The following NXPE1 variants were observed in gnomAD, a reference collection of about 807,000 sequenced individuals.
The protein encoded by NXPE1 is neurexophilin and PC-esterase domain family member 1.
A neutral mutation model predicts 33.3 loss-of-function variants in NXPE1; 31 were observed. The observed-to-expected ratio is 0.93, with a 90% CI of 0.70 to 1.26. The LOEUF (loss-of-function observed/expected upper bound fraction) is 1.26, where lower values mean the gene tolerates loss of function less well. NXPE1 is among the 50% of genes most tolerant of loss of function. The pLI is 0.00. For synonymous variants in NXPE1, 229 were observed against 231.4 expected (o/e 0.99, Z 0.09); for missense variants, 661 against 655.6 (o/e 1.01, Z -0.09).
At chr11:114,524,114 A>T (rs1015883616) in intron 7 of NXPE1, among the ~76,000 whole-genome samples, 1 of 152,118 alleles carries the variant, frequency 6.6e-6, no homozygotes, top group Non-Finnish European at 1.5e-5. Context: ...CTCACATTAT[A>T]TCTAAAGTTC....
intron 1 of NXPE1, among the ~76,000 whole-genome samples, chr11:114,556,894 G>T (rs1948661050): frequency 1.4e-5 from 2 of 147,022 alleles, no homozygotes; most frequent in Admixed American, 6.8e-5. Context: ...CTCCCTTTTT[G>T]ACTTTTTTTT....
rs768597956 is a variant in NXPE1, at chr11:114,530,756, G to T, written c.252C>A (p.Ile84=). The change falls in exon 6 of 9, where the codon ATC becomes ATA. Residue 84 remains isoleucine, a synonymous_variant. Transcript: ENST00000534921. ...TCACATGGGTGAAAGGTCTGGGTGG[G>T]ATCTGCTGATCTAGTTTCTCTATGA... 4.9e-5 allele frequency: 79 copies of T among 1,614,208 alleles called. No homozygotes were observed. The Middle Eastern group carries it at 6.6e-4, about 13-fold the overall frequency.
rs754802719 is a variant in NXPE1, at chr11:114,540,885, T to TTTTTTTG, written c.100-9978_100-9977insCAAAAAA. Among the ~76,000 whole-genome samples, 98 of 81,284 alleles carry TTTTTTTG rather than the reference T, an allele frequency of 1.2e-3. 27 individuals carry two copies. The highest frequency in any genetic ancestry group is 1.7e-3 in the East Asian group (4 of 2,304). 53.3% of individuals were successfully genotyped at this position (81,284 alleles called of 152,430 possible). A position where few individuals can be genotyped will look rare whatever the true frequency, so the allele number is the denominator to read the frequency against. On this transcript the variant is annotated intron_variant, in intron 5 of 8. Coordinates refer to ENST00000534921, the Ensembl canonical transcript of NXPE1. ...TTTTTTTTTTTTTTTTTTTTTTTTT[T>TTTTTTTG]GGCTTGAACAACCTGAGAGCAGAGT... is the stretch of plus-strand genomic sequence containing the variant.
chr11:114,529,880 G>A (rs1186497342), intron 6 of NXPE1: 2 of 313,552 alleles, frequency 6.4e-6, no homozygotes, highest in Admixed American at 4.5e-5. Flanking sequence ...TATGATATGG[G>A]AGGTGAAGGA....
chr11:114,538,675 G>A (rs1462485587), intron 5 of NXPE1, among the ~76,000 whole-genome samples: 23 of 152,150 alleles, frequency 1.5e-4, no homozygotes, highest in East Asian at 3.9e-4. Flanking sequence ...CAAAAAACAC[G>A]TGAAAAAATG....
exon 9 of NXPE1, chr11:114,522,098 A>G (rs780477739): frequency 6.2e-7 from 1 of 1,614,136 alleles, no homozygotes; most frequent in Non-Finnish European, 8.5e-7. Flanking sequence ...GTCTTTGAAA[A>G]TATCCTTCAT....
At chr11:114,522,778 G>A in intron 8 of NXPE1, 101 bp downstream of exon 8, 1 of 815,820 alleles carries the variant, frequency 1.2e-6, no homozygotes, top group Non-Finnish European at 2.0e-6. Context: ...AGAGCCAAAT[G>A]AAGTAAAAAA....
chr11:114,531,325 T>G (rs1947575488), intron 5 of NXPE1, among the ~76,000 whole-genome samples: 1 of 152,156 alleles, frequency 6.6e-6, no homozygotes, highest in South Asian at 2.1e-4. Flanking sequence ...TCCAGTAACA[T>G]CTGTACCTTT....
At chr11:114,535,727 A>G (rs909865556) in intron 5 of NXPE1, among the ~76,000 whole-genome samples, 15 of 152,214 alleles carry the variant, frequency 9.9e-5, no homozygotes, top group Non-Finnish European at 1.2e-4. Context: ...AACAAGAAGA[A>G]CTAGCTATCC....
In NXPE1 at chr11:114,530,516, G is replaced by C. The variant is rs1483048251; in HGVS notation, c.492C>G (p.Tyr164Ter). ...CCCAGAACAGAGTGAAGCTGACCAG[G>C]TAGGTGCCATTGTTGAAGTCCATCA... The change falls in exon 6 of 9, where the codon TAC (tyrosine) becomes TAG (stop). Residue 164 changes from tyrosine to a stop codon, truncating the protein, a stop_gained. Coordinates refer to ENST00000534921, the Ensembl canonical transcript of NXPE1. LOFTEE classifies it high-confidence loss of function. The C allele has an allele frequency of 7.4e-6, 12 of 1,613,814 alleles. No homozygotes were observed. The highest frequency in any genetic ancestry group is 1.0e-5 in the Non-Finnish European group (12 of 1,179,878).
chr11:114,528,426 T>C (rs1411584682), intron 6 of NXPE1, among the ~76,000 whole-genome samples: 1 of 152,224 alleles, frequency 6.6e-6, no homozygotes, highest in African/African-American at 2.4e-5. Flanking sequence ...GGTAGACCTT[T>C]TATCAGAGGG....
chr11:114,553,750 G>A, intron 1 of NXPE1: 1 of 985,302 alleles, frequency 1.0e-6, no homozygotes, highest in Non-Finnish European at 1.2e-6. Context: ...CCTCCATTTG[G>A]AAATCCTCAC....
Position 114,530,586 on chromosome 11 carries a change from GC to G in NXPE1, c.421del (p.Ala141ProfsTer8). The G allele has an allele frequency of 6.2e-7, 1 of 1,614,102 alleles. No individual in the cohort carries two copies. Among genetic ancestry groups the G allele is most frequent in the Non-Finnish European group, 8.5e-7 (1 of 1,180,024 alleles). ...CGTCAGTGCTGGGGAGGACATCCTGGCCCTCAGGAAATCCCCACCATATTGC... is the reference window on the plus strand; with the variant it reads ...CGTCAGTGCTGGGGAGGACATCCTGGCCTCAGGAAATCCCCACCATATTGC... On this transcript the variant is annotated frameshift_variant, in exon 6 of 9. Coordinates refer to ENST00000534921, the Ensembl canonical transcript of NXPE1. LOFTEE classifies it high-confidence loss of function.
chr11:114,522,939 A>T (rs755390673), exon 8 of NXPE1: 2 of 1,613,562 alleles, frequency 1.2e-6, no homozygotes, highest in African/African-American at 1.3e-5. Context: ...CCCAGGAGGT[A>T]AATGAGTTTG....
intron 2 of NXPE1, among the ~76,000 whole-genome samples, chr11:114,552,615 A>G (rs1277657702): frequency 6.6e-6 from 1 of 151,896 alleles, no homozygotes; most frequent in Non-Finnish European, 1.5e-5. Context: ...GGCTACTCTG[A>G]CCCCTCCTGC....
intron 5 of NXPE1, among the ~76,000 whole-genome samples, chr11:114,545,623 T>C (rs1483097167): frequency 1.3e-5 from 2 of 152,000 alleles, no homozygotes; most frequent in African/African-American, 4.8e-5. Context: ...GAAATTACTG[T>C]GTATGATACT....
chr11:114,522,614 A>G (rs1947248739), intron 8 of NXPE1, 111 bp from the exon 9 acceptor site: 1 of 922,534 alleles, frequency 1.1e-6, no homozygotes, highest in Admixed American at 2.9e-5. Flanking sequence ...TGCTCACTGG[A>G]GCCTTTCTAC....
chr11:114,525,770 G>A (rs568530373), intron 7 of NXPE1, among the ~76,000 whole-genome samples: 1 of 152,274 alleles, frequency 6.6e-6, no homozygotes, highest in African/African-American at 2.4e-5. Flanking sequence ...GCACCATTTA[G>A]TGAAGTGTAT....
At chr11:114,557,403 A>G (rs567739171) in intron 1 of NXPE1, among the ~76,000 whole-genome samples, 1 of 152,042 alleles carries the variant, frequency 6.6e-6, no homozygotes, top group South Asian at 2.1e-4. Context: ...CTCCATTTAC[A>G]TTTAACTCTT....
Sources: allele counts gnomAD v4.1 joint callset (sites outside exome capture counted in the v4.1 genomes callset), GRCh38; gene constraint gnomAD v4.1.1; transcripts MANE v1.5; gene names NCBI Gene and HGNC (gene_info 2026-07-23, HGNC 2026-07-21).